ZNF730: variants seen among roughly 807,000 people sequenced by gnomAD.
ZNF730 encodes the protein zinc finger protein 730, also known as putative zinc finger protein 730.
ZNF730 carries 12 observed loss-of-function variants against 12.6 expected under a neutral mutation model. The ratio of observed to expected loss-of-function variants is 0.95; its 90% CI spans 0.61 to 1.54. The LOEUF (loss-of-function observed/expected upper bound fraction) is 1.54. Among genes scored for constraint, ZNF730 ranks in the 40% most tolerant of loss-of-function variants. ZNF730 has a pLI of 0.00. For synonymous variants in ZNF730, 194 were observed against 195.8 expected (o/e 0.99, Z 0.08); for missense variants, 643 against 583.5 (o/e 1.10, Z -1.05).
chr19:23,115,031 C>G (rs1878281358), upstream of ZNF730, among the ~76,000 whole-genome samples: 1 of 152,110 alleles, frequency 6.6e-6, no homozygotes, highest in South Asian at 2.1e-4. Flanking sequence ...TCTCCCATCT[C>G]AGCCTCACAA....
chr19:23,105,917 C>T (rs1411754516), intron 1 of ZNF730, among the ~76,000 whole-genome samples: 1 of 152,122 alleles, frequency 6.6e-6, no homozygotes, highest in Non-Finnish European at 1.5e-5. Flanking sequence ...ACATGCATTT[C>T]CTTCAGTGAA....
At chr19:23,141,408 C>A (rs946385393) in intron 3 of ZNF730, among the ~76,000 whole-genome samples, 5 of 149,294 alleles carry the variant, frequency 3.3e-5, no homozygotes, top group African/African-American at 7.4e-5. Flanking sequence ...AAAAAAAAAA[C>A]AATTTTAAAA....
upstream of ZNF730, among the ~76,000 whole-genome samples, chr19:23,116,784 CAA>C (rs1018070349): frequency 1.3e-5 from 2 of 152,118 alleles, no homozygotes; most frequent in African/African-American, 4.8e-5. Context: ...TGATCTTACA[CAA>C]AAGGTTAAAG....
intron 2 of ZNF730, among the ~76,000 whole-genome samples, chr19:23,134,488 C>T (rs1161909992): frequency 6.8e-6 from 1 of 147,504 alleles, no homozygotes; most frequent in Non-Finnish European, 1.5e-5. Context: ...GGGCCAGCCC[C>T]CCGCCCGGCC....
chr19:23,077,035 G>T (rs1000510910), intron 1 of ZNF730, among the ~76,000 whole-genome samples: 94 of 152,216 alleles, frequency 6.2e-4, no homozygotes, highest in East Asian at 1.2e-3. Context: ...GTCTTTCGGA[G>T]GAATGTGGAT....
At chr19:23,101,665 G>A (rs1429944395) in intron 1 of ZNF730, among the ~76,000 whole-genome samples, 1 of 152,188 alleles carries the variant, frequency 6.6e-6, no homozygotes, top group East Asian at 1.9e-4. Context: ...TGCCTCCCAG[G>A]TTCAAGTGAT....
At chr19:23,079,419 G>A (rs978732913) in intron 1 of ZNF730, among the ~76,000 whole-genome samples, 1 of 152,134 alleles carries the variant, frequency 6.6e-6, no homozygotes, top group South Asian at 2.1e-4. Flanking sequence ...TGGCCTCCCA[G>A]AGTGCTGGAA....
At chr19:23,116,346 CTTA>C (rs1568310190), upstream of ZNF730, among the ~76,000 whole-genome samples, 3 of 121,662 alleles carry the variant, frequency 2.5e-5, no homozygotes, top group East Asian at 6.7e-4. Flanking sequence ...CCTTTCTTTC[CTTA>C]TTTCTTTTCT....
At chr19:23,130,846 C>G (rs937296918) in intron 1 of ZNF730, among the ~76,000 whole-genome samples, 1 of 152,076 alleles carries the variant, frequency 6.6e-6, no homozygotes, top group African/African-American at 2.4e-5. Context: ...AGGGTCCACT[C>G]CCTGCCCCAG....
chr19:23,118,005 G>A (rs142297041), intron 1 of ZNF730, among the ~76,000 whole-genome samples: 1 of 151,814 alleles, frequency 6.6e-6, no homozygotes, highest in East Asian at 1.9e-4. Flanking sequence ...TTTCTCAAAC[G>A]GGGTCTCAAG....
Position 23,141,498 on chromosome 19 carries a change from T to A in ZNF730, c.227-3773T>A, listed in dbSNP as rs578187481. ...GTAAGGATTAATTGAGCCTAAAAGT[T>A]TGACGTTGCAATGAGCTGTAATTGT... On this transcript the variant is annotated intron_variant, in intron 3 of 3. Transcript: ENST00000597761. 2.6e-5 allele frequency among the ~76,000 whole-genome samples: 4 copies of A among 152,300 alleles called. No individual in the cohort carries two copies. In the East Asian group the frequency reaches 7.7e-4, roughly 29 times the overall value.
chr19:23,134,580 G>T (rs1472748800), intron 2 of ZNF730, among the ~76,000 whole-genome samples: 14 of 94,186 alleles, frequency 1.5e-4, no homozygotes, highest in African/African-American at 4.9e-4. Context: ...CTGGCCAGCC[G>T]CCCCGTCCTG....
At chr19:23,116,928 G>C, upstream of ZNF730, 1 of 92,812 alleles carries the variant, frequency 1.1e-5, no homozygotes. Flanking sequence ...TGAGGGGGCG[G>C]GGCCTTAAAC....
At chr19:23,087,012 T>C (rs1970073657) in intron 1 of ZNF730, among the ~76,000 whole-genome samples, 1 of 148,830 alleles carries the variant, frequency 6.7e-6, no homozygotes, top group Non-Finnish European at 1.5e-5. Flanking sequence ...ACCTCCCTTG[T>C]TAGCTGTATT....
At chr19:23,102,723 G>A (rs185036137) in intron 1 of ZNF730, among the ~76,000 whole-genome samples, 3 of 151,884 alleles carry the variant, frequency 2.0e-5, no homozygotes, top group East Asian at 1.9e-4. Context: ...CTCGAGCTCC[G>A]TACTTCAAGT....
At chr19:23,080,255 A>AGGTAT (rs1385297432) in intron 1 of ZNF730, among the ~76,000 whole-genome samples, 1 of 152,202 alleles carries the variant, frequency 6.6e-6, no homozygotes, top group Non-Finnish European at 1.5e-5. Context: ...ATTTGCTTCC[A>AGGTAT]GGTATTATCT....
At chr19:23,082,534 A>G (rs1969982365) in intron 1 of ZNF730, among the ~76,000 whole-genome samples, 1 of 151,910 alleles carries the variant, frequency 6.6e-6, no homozygotes, top group African/African-American at 2.4e-5. Context: ...TTCAGTAGAG[A>G]CAGGGTTTCA....
intron 1 of ZNF730, among the ~76,000 whole-genome samples, chr19:23,091,670 G>A (rs1970162296): frequency 6.6e-6 from 1 of 152,192 alleles, no homozygotes; most frequent in Non-Finnish European, 1.5e-5. Context: ...TTTTGGACTT[G>A]CATGGTCCCT....
intron 1 of ZNF730, among the ~76,000 whole-genome samples, chr19:23,077,294 T>C (rs1028477692): frequency 3.3e-5 from 5 of 152,024 alleles, no homozygotes; most frequent in Non-Finnish European, 7.4e-5. Context: ...GTAAAAAATG[T>C]GCATAGGTAA....
Sources: allele counts gnomAD v4.1 joint callset (sites outside exome capture counted in the v4.1 genomes callset), GRCh38; gene constraint gnomAD v4.1.1; transcripts MANE v1.5; gene names NCBI Gene and HGNC (gene_info 2026-07-23, HGNC 2026-07-21).